The following CARD16 variants were observed in gnomAD, a reference collection of about 807,000 sequenced individuals.
The protein encoded by CARD16 is caspase recruitment domain family member 16.
A neutral mutation model predicts 11.9 loss-of-function variants in CARD16; 8 were observed. That is an observed-to-expected ratio of 0.67 (90% CI 0.39 to 1.21). The LOEUF (loss-of-function observed/expected upper bound fraction) is 1.21, where lower values mean the gene tolerates loss of function less well. Among genes scored for constraint, CARD16 ranks in the 50% most tolerant of loss-of-function variants. The pLI is 0.01. For synonymous variants in CARD16, 44 were observed against 43.8 expected (o/e 1.00, Z -0.02); for missense variants, 131 against 118.1 (o/e 1.11, Z -0.51).
intron 2 of CARD16, chr11:105,043,889 C>CT: frequency 3.5e-6 from 1 of 282,190 alleles, no homozygotes; most frequent in Non-Finnish European, 6.7e-6. Flanking sequence ...CTGTTGAAAT[C>CT]TTTACTATTC....
intron 2 of CARD16, 38 bp from the exon 3 acceptor site, chr11:105,043,583 C>T (rs528085832): frequency 2.0e-6 from 3 of 1,487,562 alleles, no homozygotes; most frequent in South Asian, 1.1e-5. Flanking sequence ...AGCCACTTAT[C>T]ATCTCTGGAA....
chr11:105,043,997 A>G (rs992685467), intron 2 of CARD16: 5 of 275,248 alleles, frequency 1.8e-5, no homozygotes, highest in African/African-American at 8.8e-5. Flanking sequence ...TATAAAAAGT[A>G]TTTGAATACA....
At chr11:105,041,794 C>A in intron 3 of CARD16, 75 bp from the exon 4 acceptor site, 1 of 1,385,584 alleles carries the variant, frequency 7.2e-7, no homozygotes, top group Non-Finnish European at 1.0e-6. Flanking sequence ...GAGGAAGCTA[C>A]AAAAGAGGAA....
intron 2 of CARD16, among the ~76,000 whole-genome samples, 173 bp from the exon 3 acceptor site, chr11:105,043,718 A>T (rs1864148448): frequency 1.3e-5 from 2 of 152,096 alleles, no homozygotes; most frequent in South Asian, 4.1e-4. Flanking sequence ...GGTTCAAGGG[A>T]TTATAAGAAT....
chr11:105,043,736 C>T (rs919804931), intron 2 of CARD16, among the ~76,000 whole-genome samples, 191 bp from the exon 3 acceptor site: 2 of 152,152 alleles, frequency 1.3e-5, no homozygotes, highest in East Asian at 3.9e-4. Flanking sequence ...AATGGGCAAG[C>T]TCATTTCCTG....
At chr11:105,042,218 A>G (rs1328319425) in intron 3 of CARD16, among the ~76,000 whole-genome samples, 2 of 152,168 alleles carry the variant, frequency 1.3e-5, no homozygotes, top group African/African-American at 4.8e-5. Flanking sequence ...GTCCTTCAGC[A>G]TCTCCTCCTA....
chr11:105,044,336 T>C, intron 2 of CARD16, 56 bp downstream of exon 2: 7 of 1,610,066 alleles, frequency 4.3e-6, no homozygotes, highest in Non-Finnish European at 5.9e-6. Context: ...AGAAATCAAA[T>C]GTTAGGCACG....
chr11:105,041,682 T>C lies in CARD16; in HGVS notation c.*81A>G. On this transcript the variant is annotated 3_prime_UTR_variant, in exon 4 of 4. Coordinates refer to ENST00000673097, the MANE Select transcript of CARD16 (RefSeq NM_052889.4). ...TGATTCTGCCTTCTGGGCTTGAGCA[T>C]GTGGGCATAGCTGGGTTGTCCTGCA... is the stretch of plus-strand genomic sequence containing the variant. 6.2e-7 allele frequency: 1 copy of C among 1,613,988 alleles called. No homozygotes were observed. The highest frequency in any genetic ancestry group is 8.5e-7 in the Non-Finnish European group (1 of 1,179,900).
rs11600429 is a variant in CARD16 at position 105,043,864 on chromosome 11, C to T, written c.275-319G>A. On this transcript the variant is annotated intron_variant, in intron 2 of 3. Transcript: ENST00000673097. ...CTCAAAAGAAAATGCATGGGGGCAA[C>T]GGGAGGAAAGAGCCCTGTTGAAATC... is the stretch of plus-strand genomic sequence containing the variant. 1,685 of 306,098 alleles carry T rather than the reference C, an allele frequency of 5.5e-3. 6 individuals are homozygous for T. The highest frequency in any genetic ancestry group is 8.8e-3 in the Non-Finnish European group (1,455 of 165,786). The allele number at this position is 306,098 out of a possible 1,614,324, so 19.0% of individuals were successfully genotyped here.
chr11:105,041,752 T>C (rs191541012), intron 3 of CARD16, 33 bp from the exon 4 acceptor site: 1 of 1,600,374 alleles, frequency 6.2e-7, no homozygotes, highest in Admixed American at 1.7e-5. Flanking sequence ...TGAACAGTGG[T>C]ATCCCTCTTT....
rs1591215959 is a variant in CARD16 at position 105,045,022 on chromosome 11, G to C, written c.7+269C>G. 3.6e-5 allele frequency: 22 copies of C among 611,318 alleles called. No homozygotes were observed. In the East Asian group the frequency reaches 6.1e-4, roughly 17 times the overall value. The allele number at this position is 611,318 out of a possible 1,614,324, so 37.9% of individuals were successfully genotyped here. Reference sequence around the variant, plus strand: ...CTCCTGTGCCAATTCTGTACCCTCTGTCAGACTTACGACAGGTAAGCAAGG... The same window carrying C: ...CTCCTGTGCCAATTCTGTACCCTCTCTCAGACTTACGACAGGTAAGCAAGG... On this transcript the variant is annotated intron_variant, in intron 1 of 3. Coordinates refer to ENST00000673097, the MANE Select transcript of CARD16 (RefSeq NM_052889.4).
intron 2 of CARD16, 155 bp downstream of exon 2, chr11:105,044,237 T>G: frequency 8.2e-7 from 1 of 1,218,504 alleles, no homozygotes; most frequent in Non-Finnish European, 1.2e-6. Context: ...CAAAAAAGAG[T>G]CAAGGGACAT....
intron 3 of CARD16, among the ~76,000 whole-genome samples, chr11:105,042,235 A>G (rs1248946150): frequency 6.6e-6 from 1 of 152,140 alleles, no homozygotes; most frequent in Non-Finnish European, 1.5e-5. Flanking sequence ...CCTACAATGT[A>G]TACATATGGG....
At chr11:105,044,188 G>T in intron 2 of CARD16, 7 of 768,896 alleles carry the variant, frequency 9.1e-6, no homozygotes, top group Non-Finnish European at 1.2e-5. Flanking sequence ...AACAGAAAAT[G>T]AACTTTAATC....
intron 3 of CARD16, among the ~76,000 whole-genome samples, chr11:105,042,096 G>T (rs1211818322): frequency 6.6e-6 from 1 of 152,062 alleles, no homozygotes; most frequent in African/African-American, 2.4e-5. Context: ...AATGGGAGCA[G>T]GTCTTAATTA....
At chr11:105,042,065 T>C (rs908892410) in intron 3 of CARD16, among the ~76,000 whole-genome samples, 1 of 152,220 alleles carries the variant, frequency 6.6e-6, no homozygotes, top group Non-Finnish European at 1.5e-5. Flanking sequence ...TTCAAAGGAT[T>C]CAAACCCTAG....
Position 105,044,570 on chromosome 11 carries a change from T to C in CARD16, c.96A>G (p.Thr32=). The change falls in exon 2 of 4, where the codon ACA becomes ACG. Residue 32 remains threonine (T), a synonymous_variant. Coordinates refer to ENST00000673097, the MANE Select transcript of CARD16 (RefSeq NM_052889.4). ...INGLLDELLQ[T]RVLNQEEMEK... ...CCATCTCTTCCTGGTTCAGCACCCTTGTCTGTAATAATTCATCCAGTAAGC... is the reference window on the plus strand; with the variant it reads ...CCATCTCTTCCTGGTTCAGCACCCTCGTCTGTAATAATTCATCCAGTAAGC... 6.2e-7 allele frequency: 1 copy of C among 1,614,164 alleles called. No individual in the cohort carries two copies. The highest frequency in any genetic ancestry group is 8.5e-7 in the Non-Finnish European group (1 of 1,180,002).
chr11:105,042,724 G>A (rs555338306), intron 3 of CARD16, among the ~76,000 whole-genome samples: 4 of 152,166 alleles, frequency 2.6e-5, no homozygotes, highest in Admixed American at 2.6e-4. Flanking sequence ...GAAAGCAATA[G>A]AGAAAAACTA....
rs1228224318 is a variant in CARD16 at position 105,044,216 on chromosome 11, A to T, written c.274+176T>A. On this transcript the variant is annotated intron_variant, in intron 2 of 3. Coordinates refer to ENST00000673097, the MANE Select transcript of CARD16 (RefSeq NM_052889.4). Reference sequence around the variant, plus strand: ...CTTTAATCAGAAGAGGGCACTGAGGATGAAGGAACACAAAAAAGAGTCAAG... The same window carrying T: ...CTTTAATCAGAAGAGGGCACTGAGGTTGAAGGAACACAAAAAAGAGTCAAG... 16 of 986,402 alleles carry T rather than the reference A, an allele frequency of 1.6e-5. No individual in the cohort carries two copies. The South Asian group carries it at 2.3e-4, about 14-fold the overall frequency. The allele number at this position is 986,402 out of a possible 1,614,324, so 61.1% of individuals were successfully genotyped here.
Sources: gnomAD v4.1 joint callset for allele counts (sites outside exome capture counted in the v4.1 genomes callset) on GRCh38, gnomAD v4.1.1 for gene constraint, MANE v1.5 for transcripts, NCBI Gene and HGNC (gene_info 2026-07-23, HGNC 2026-07-21) for gene names.